BTBD10: variants seen among roughly 807,000 people sequenced by gnomAD.
The protein encoded by BTBD10 is BTB domain containing 10.
In BTBD10, 21 loss-of-function variants were observed where a neutral mutation model predicts 53.2. The ratio of observed to expected loss-of-function variants is 0.39; its 90% CI spans 0.28 to 0.57. BTBD10 has a LOEUF of 0.57. Ranked by LOEUF, BTBD10 falls within the 20% of genes least tolerant of loss-of-function variation. BTBD10 has a pLI of 0.53. For synonymous variants in BTBD10, 149 were observed against 192.7 expected (o/e 0.77, Z 1.88); for missense variants, 360 against 594.7 (o/e 0.61, Z 4.10).
At chr11:13,435,604 T>A (rs989604521) in intron 2 of BTBD10, among the ~76,000 whole-genome samples, 5 of 152,202 alleles carry the variant, frequency 3.3e-5, no homozygotes, top group African/African-American at 1.2e-4. Context: ...GCAATTCTCC[T>A]GCCTCAGACT....
intron 8 of BTBD10, among the ~76,000 whole-genome samples, chr11:13,389,762 C>T (rs528683725): frequency 2.2e-4 from 33 of 152,320 alleles, no homozygotes; most frequent in African/African-American, 4.3e-4. Flanking sequence ...CAGGATTACC[C>T]GGCCTACAGG....
chr11:13,429,863 C>A (rs748726511), intron 2 of BTBD10, among the ~76,000 whole-genome samples: 3 of 152,054 alleles, frequency 2.0e-5, no homozygotes, highest in Non-Finnish European at 4.4e-5. Flanking sequence ...CAGCACCTTG[C>A]GAGGTTGAGG....
chr11:13,436,831 G>C (rs143419360), intron 2 of BTBD10, among the ~76,000 whole-genome samples: 1 of 152,232 alleles, frequency 6.6e-6, no homozygotes, highest in African/African-American at 2.4e-5. Context: ...ATCCAGACTG[G>C]AGTGCAGTGG....
At chr11:13,399,307 T>C (rs1305516821) in intron 8 of BTBD10, among the ~76,000 whole-genome samples, 2 of 152,244 alleles carry the variant, frequency 1.3e-5, no homozygotes, top group Non-Finnish European at 2.9e-5. Context: ...TTGTCTTCCA[T>C]CGCTGATACC....
intron 1 of BTBD10, among the ~76,000 whole-genome samples, chr11:13,455,375 CTTAA>C (rs1423813255): frequency 3.9e-5 from 6 of 152,270 alleles, no homozygotes; most frequent in African/African-American, 7.2e-5. Context: ...TTGCTGACTT[CTTAA>C]TTAACACATT....
At chr11:13,440,003 G>C in intron 2 of BTBD10, 1 of 1,534,468 alleles carries the variant, frequency 6.5e-7, no homozygotes, top group South Asian at 1.2e-5. Context: ...CAGCATCCTT[G>C]GGCATTACTA....
chr11:13,419,214 T>C (rs550529779), intron 4 of BTBD10, among the ~76,000 whole-genome samples: 9 of 152,294 alleles, frequency 5.9e-5, no homozygotes, highest in African/African-American at 2.2e-4. Context: ...ATAACTAATA[T>C]ATTTGCTATT....
chr11:13,442,508 G>T (rs926779707), intron 2 of BTBD10, among the ~76,000 whole-genome samples: 7 of 152,016 alleles, frequency 4.6e-5, no homozygotes, highest in Non-Finnish European at 1.0e-4. Context: ...ACTATCCACA[G>T]AGCTCCAACT....
In BTBD10 at chr11:13,412,203, C is replaced by A. The variant is rs368109077; in HGVS notation, c.808+1327G>T. Among the ~76,000 whole-genome samples the A allele has an allele frequency of 8.5e-5, 13 of 152,162 alleles. No individual in the cohort carries two copies. In the East Asian group the frequency reaches 1.9e-3, roughly 23 times the overall value. ...GCACAGTGGCTCACACCTGTAATCC[C>A]AGCACTTTGGGAGACCGACGCAGGT... On this transcript the variant is annotated intron_variant, in intron 6 of 8. Coordinates refer to ENST00000278174, the MANE Select transcript of BTBD10 (RefSeq NM_032320.7).
rs959629229 is a variant in BTBD10 at position 13,413,180 on chromosome 11, G to A, written c.808+350C>T. ...TAATACAAAAAATTATAAATTTTTG[G>A]ATGATGTAATCAAAGAAATGCAGCC... On this transcript the variant is annotated intron_variant, in intron 6 of 8. Transcript: ENST00000278174. Among the ~76,000 whole-genome samples, 5 of 152,174 alleles carry A rather than the reference G, an allele frequency of 3.3e-5. No homozygotes were observed. The East Asian group carries it at 7.7e-4, about 23-fold the overall frequency.
At chr11:13,420,461 A>C (rs1311428505) in intron 3 of BTBD10, among the ~76,000 whole-genome samples, 1 of 152,162 alleles carries the variant, frequency 6.6e-6, no homozygotes, top group Non-Finnish European at 1.5e-5. Flanking sequence ...CATAGGTAGA[A>C]AATATTGTTA....
intron 2 of BTBD10, chr11:13,440,164 T>C (rs770544448): frequency 8.1e-6 from 12 of 1,480,632 alleles, no homozygotes; most frequent in Non-Finnish European, 1.1e-5. Context: ...ATATTTAGGC[T>C]TTAAATATTC....
At chr11:13,430,438 A>C (rs1160878332) in intron 2 of BTBD10, among the ~76,000 whole-genome samples, 1 of 152,202 alleles carries the variant, frequency 6.6e-6, no homozygotes, top group Non-Finnish European at 1.5e-5. Flanking sequence ...AAATGGTACA[A>C]CCATTTTAGA....
At chr11:13,442,708 T>C (rs1333490238) in intron 2 of BTBD10, among the ~76,000 whole-genome samples, 3 of 152,210 alleles carry the variant, frequency 2.0e-5, no homozygotes, top group Admixed American at 1.3e-4. Flanking sequence ...AATAGTTCCA[T>C]GCGTGGATAC....
chr11:13,421,766 A>T lies in BTBD10; in HGVS notation c.174T>A (p.His58Gln), dbSNP rs746471844. ...KMSLHGASGG[H>Q]ERSRDRRRSS... ...ACCTTCGTCTATCTCTTGATCTCTC[A>T]TGTCCCCCACTAGCACCATGTAGAC... The change falls in exon 3 of 9, where the codon CAT (histidine) becomes CAA (glutamine). Residue 58 changes from histidine (H) to glutamine (Q), a missense_variant. By Grantham distance (24) the His-to-Gln change is conservative. Coordinates refer to ENST00000278174, the MANE Select transcript of BTBD10 (RefSeq NM_032320.7). 5 of 1,614,052 alleles carry T rather than the reference A, an allele frequency of 3.1e-6. No individual in the cohort carries two copies. The highest frequency in any genetic ancestry group is 4.2e-6 in the Non-Finnish European group (5 of 1,179,992).
chr11:13,446,673 G>A (rs574108187), intron 1 of BTBD10, among the ~76,000 whole-genome samples: 1 of 152,114 alleles, frequency 6.6e-6, no homozygotes, highest in African/African-American at 2.4e-5. Flanking sequence ...TCCTGGAAAA[G>A]GAAGCCTATT....
chr11:13,402,738 A>AT (rs1949739560), intron 8 of BTBD10, among the ~76,000 whole-genome samples: 1 of 152,224 alleles, frequency 6.6e-6, no homozygotes, highest in Non-Finnish European at 1.5e-5. Flanking sequence ...ATACTTTAAG[A>AT]CATAAGTAAG....
chr11:13,418,986 TTTTTTA>T (rs1429336740), intron 4 of BTBD10, among the ~76,000 whole-genome samples: 316 of 149,908 alleles, frequency 2.1e-3, no homozygotes, highest in Middle Eastern at 3.4e-3. Flanking sequence ...TTTTTTTTTT[TTTTTTA>T]AAAGTATCTA....
At chr11:13,425,305 T>C (rs1950315193) in intron 2 of BTBD10, among the ~76,000 whole-genome samples, 1 of 152,250 alleles carries the variant, frequency 6.6e-6, no homozygotes, top group East Asian at 1.9e-4. Flanking sequence ...AATTTTAACA[T>C]CAAGACCAAA....
Sources: gnomAD v4.1 joint callset for allele counts (sites outside exome capture counted in the v4.1 genomes callset) on GRCh38, gnomAD v4.1.1 for gene constraint, MANE v1.5 for transcripts, NCBI Gene and HGNC (gene_info 2026-07-23, HGNC 2026-07-21) for gene names.